The following BRF2 variants were observed in gnomAD, a reference collection of about 807,000 sequenced individuals.
BRF2 encodes the protein transcription factor IIIB 50 kDa subunit.
A neutral mutation model predicts 26.6 loss-of-function variants in BRF2; 17 were observed. The observed-to-expected ratio is 0.64, with a 90% CI of 0.44 to 0.96. The LOEUF (loss-of-function observed/expected upper bound fraction) is 0.96. Among genes scored for constraint, BRF2 ranks in the 40% least tolerant of loss-of-function variants. The pLI is 0.00. For synonymous variants in BRF2, 219 were observed against 226.6 expected (o/e 0.97, Z 0.30); for missense variants, 515 against 537.0 (o/e 0.96, Z 0.40).
intron 1 of BRF2, 91 bp downstream of exon 1, chr8:37,849,539 T>C (rs1214018656): frequency 9.5e-7 from 1 of 1,051,864 alleles, no homozygotes; most frequent in Admixed American, 2.1e-5. Context: ...GTGTGTGCGT[T>C]ACAGTTAGGA....
chr8:37,848,116 A>C (rs1321843711), intron 2 of BRF2, among the ~76,000 whole-genome samples: 2 of 149,412 alleles, frequency 1.3e-5, no homozygotes, highest in Non-Finnish European at 1.5e-5. Flanking sequence ...CGCCCGGCTA[A>C]TTTTTTTGTA....
intron 3 of BRF2, chr8:37,845,633 A>T (rs1392966297): frequency 1.5e-6 from 1 of 687,156 alleles, no homozygotes; most frequent in Non-Finnish European, 2.6e-6. Context: ...AGAAAAGAAC[A>T]TAGCTACTTC....
rs1805978362 is a variant in BRF2 at position 37,847,207 on chromosome 8, G to A, written c.215-32C>T. ...AAAACCCACGGCAAGAGTTAGAGGG[G>A]TCAAAGGAGCTATCGTGCAACTCCT... On this transcript the variant is annotated intron_variant, in intron 2 of 3. Coordinates refer to ENST00000220659, the MANE Select transcript of BRF2 (RefSeq NM_018310.4). 2.5e-6 allele frequency: 4 copies of A among 1,597,620 alleles called. 1 individual carries two copies. Among genetic ancestry groups the A allele is most frequent in the Middle Eastern group, 1.7e-4 (1 of 6,024 alleles).
In BRF2 at chr8:37,847,000, G is replaced by C; in HGVS notation, c.390C>G (p.Asn130Lys). ...CCVLITCRQH[N>K]WPLTMGAICT... The stretch of plus-strand genomic sequence containing the variant: ...AGATGGCCCCCATTGTTAGGGGCCA[G>C]TTATGCTGTCGGCAGGTGATTAAGA... Residue 130 changes from asparagine to lysine, a missense_variant, in exon 3 of 4, where the codon AAC becomes AAG. Coordinates refer to ENST00000220659, the MANE Select transcript of BRF2 (RefSeq NM_018310.4). 6 of 1,614,232 alleles carry C rather than the reference G, an allele frequency of 3.7e-6. No homozygotes were observed. Among genetic ancestry groups the C allele is most frequent in the Non-Finnish European group, 4.2e-6 (5 of 1,180,052 alleles).
chr8:37,844,513 T>C lies in BRF2; in HGVS notation c.1237A>G (p.Thr413Ala). The stretch of plus-strand genomic sequence containing the variant: ...CATCAGGGAGGGTTAGGGACACTCG[T>C]GGCAGCCTGTCTAGCAGCCTGGGCT... ...QRAQAARQAA[T>A]SVPNPP The change falls in exon 4 of 4, where the codon ACG becomes GCG. Residue 413 changes from threonine (T) to alanine (A), a missense_variant. Transcript: ENST00000220659. 6.2e-7 allele frequency: 1 copy of C among 1,613,386 alleles called. No homozygotes were observed. The highest frequency in any genetic ancestry group is 8.5e-7 in the Non-Finnish European group (1 of 1,180,006).
Position 37,844,512 on chromosome 8 carries a change from G to C in BRF2, c.1238C>G (p.Thr413Arg). 6.2e-7 allele frequency: 1 copy of C among 1,613,308 alleles called. No homozygotes were observed. Among genetic ancestry groups the C allele is most frequent in the South Asian group, 1.1e-5 (1 of 91,026 alleles). ...QRAQAARQAATSVPNPP is the reference protein window; with the variant it reads ...QRAQAARQAARSVPNPP ...CCATCAGGGAGGGTTAGGGACACTC[G>C]TGGCAGCCTGTCTAGCAGCCTGGGC... The change falls in exon 4 of 4, where the codon ACG (threonine) becomes AGG (arginine). Residue 413 changes from threonine to arginine, a missense_variant. Transcript: ENST00000220659.
At chr8:37,845,890 G>A (rs112075942) in intron 3 of BRF2, 1 of 576,866 alleles carries the variant, frequency 1.7e-6, no homozygotes. Flanking sequence ...TGCTGAGACA[G>A]AGCTGGGCAT....
At chr8:37,849,583 ATGT>A (rs1398456145) in intron 1 of BRF2, 44 bp downstream of exon 1, 1 of 1,510,568 alleles carries the variant, frequency 6.6e-7, no homozygotes, top group Non-Finnish European at 9.1e-7. Context: ...AAGGAATCTG[ATGT>A]TAATCCCTCC....
rs765994277 is a variant in BRF2, at chr8:37,846,956, T to C, written c.434A>G (p.Asp145Gly). ...GTAAGTGCTAGAAAACACATCCAAA[T>C]CTGCATACAACAGCGTGCAGATGGC... is the stretch of plus-strand genomic sequence containing the variant. ...MGAICTLLYA[D>G]LDVFSSTYMQ... The change falls in exon 3 of 4, where the codon GAT becomes GGT. Residue 145 changes from aspartate to glycine, a missense_variant. Physicochemically the swap from Asp to Gly is moderately conservative, Grantham distance 94. Coordinates refer to ENST00000220659, the MANE Select transcript of BRF2 (RefSeq NM_018310.4). 6.2e-7 allele frequency: 1 copy of C among 1,614,184 alleles called. No individual in the cohort carries two copies. The highest frequency in any genetic ancestry group is 8.5e-7 in the Non-Finnish European group (1 of 1,180,034).
At position 37,844,351 on chromosome 8, in the gene BRF2, AACTAATGGCAGAGCC is replaced by A; in HGVS notation, c.*124_*138del. 2 of 1,135,794 alleles carry A rather than the reference AACTAATGGCAGAGCC, an allele frequency of 1.8e-6. No homozygotes were observed. The highest frequency in any genetic ancestry group is 2.5e-6 in the Non-Finnish European group (2 of 794,010). 70.4% of individuals were successfully genotyped at this position (1,135,794 alleles called of 1,614,324 possible). A position where few individuals can be genotyped will look rare whatever the true frequency, so the allele number is the denominator to read the frequency against. Reference sequence around the variant, plus strand: ...GACTTTACTCCAGGACCCAGGGTCCAACTAATGGCAGAGCCCCTCTTGGTTCCTTCAAACAAGAAA... The same window carrying A: ...GACTTTACTCCAGGACCCAGGGTCCACCTCTTGGTTCCTTCAAACAAGAAA... On this transcript the variant is annotated 3_prime_UTR_variant, in exon 4 of 4. Transcript: ENST00000220659.
At chr8:37,845,293 G>T in intron 3 of BRF2, 80 bp from the exon 4 acceptor site, 2 of 1,119,244 alleles carry the variant, frequency 1.8e-6, no homozygotes, top group Non-Finnish European at 1.3e-6. Context: ...GCCCACTCAA[G>T]ATGGGGAAGC....
At position 37,849,668 on chromosome 8, in the gene BRF2, A is replaced by G. The variant is rs767275696; in HGVS notation, c.116T>C (p.Val39Ala). 9.3e-6 allele frequency: 15 copies of G among 1,613,016 alleles called. No homozygotes were observed. The South Asian group carries it at 1.6e-4, about 18-fold the overall frequency. ...CTCGTCGCTGAAGGTAGTGGTAAGG[A>G]CCCCCTCGGTGACCACGCAGCCGCA... ...SDCGCVVTEG[V>A]LTTTFSDEGN... Residue 39 changes from valine to alanine, a missense_variant, in exon 1 of 4, where the codon GTC (valine) becomes GCC (alanine). Transcript: ENST00000220659.
intron 2 of BRF2, chr8:37,847,413 CAGGGCCAAGCCCA>C (rs1351127407): frequency 1.6e-6 from 1 of 632,382 alleles, no homozygotes; most frequent in African/African-American, 1.8e-5. Flanking sequence ...TGGTTTGATT[CAGGGCCAAGCCCA>C]AGTTTTATCC....
chr8:37,847,928 T>TTTATTACTA (rs1554528594), intron 2 of BRF2, among the ~76,000 whole-genome samples: 2 of 84,000 alleles, frequency 2.4e-5, no homozygotes, highest in African/African-American at 9.1e-5. Context: ...ATAGTTTTCT[T>TTTATTACTA]TTATTATTAT....
Position 37,848,654 on chromosome 8 carries a change from C to T in BRF2, c.156G>A (p.Glu52=). 6.2e-7 allele frequency: 1 copy of T among 1,612,918 alleles called. No homozygotes were observed. The highest frequency in any genetic ancestry group is 8.5e-7 in the Non-Finnish European group (1 of 1,178,860). Residue 52 remains glutamate, a splice_region_variant and synonymous_variant, in exon 2 of 4, where the codon GAG becomes GAA. Coordinates refer to ENST00000220659, the MANE Select transcript of BRF2 (RefSeq NM_018310.4). ...TTFSDEGNLR[E]VTYSRSTGEN... ...CCCCTGTGCTTCGGGAATATGTTAC[C>T]TCTGTAAGATAATAAACAACAAATA...
At position 37,844,387 on chromosome 8, in the gene BRF2, A is replaced by G; in HGVS notation, c.*103T>C. 1 of 1,486,180 alleles carries G rather than the reference A, an allele frequency of 6.7e-7. No individual in the cohort carries two copies. Among genetic ancestry groups the G allele is most frequent in the Non-Finnish European group, 9.1e-7 (1 of 1,099,244 alleles). 92.1% of individuals were successfully genotyped at this position (1,486,180 alleles called of 1,614,324 possible). ...GAGCCCCTCTTGGTTCCTTCAAACA[A>G]GAAAAGCAATACCTACGGACTGGTG... On this transcript the variant is annotated 3_prime_UTR_variant, in exon 4 of 4. Transcript: ENST00000220659.
In BRF2 at chr8:37,847,279, A is replaced by G. The variant is rs1023996341; in HGVS notation, c.215-104T>C. 1.1e-5 allele frequency: 10 copies of G among 939,330 alleles called. No homozygotes were observed. In the African/African-American group the frequency reaches 1.3e-4, roughly 12 times the overall value. 58.2% of individuals were successfully genotyped at this position (939,330 alleles called of 1,614,324 possible). On this transcript the variant is annotated intron_variant, in intron 2 of 3. Coordinates refer to ENST00000220659, the MANE Select transcript of BRF2 (RefSeq NM_018310.4). ...CTTAGATCTGCTAAACTTGCCTCAG[A>G]TATCAGATGCACAAATTATGTACCT...
chr8:37,844,853 GTCACCGATGTGCT>G lies in BRF2; in HGVS notation c.884_896del (p.Lys295ThrfsTer45). On this transcript the variant is annotated frameshift_variant, in exon 4 of 4. Coordinates refer to ENST00000220659, the MANE Select transcript of BRF2 (RefSeq NM_018310.4). LOFTEE classifies it low-confidence loss of function (END_TRUNC). ...CCAGTGACTGGCGGTGCTGGAGAAG[GTCACCGATGTGCT>G]TCACCACAGACCGTTTGTCAAGTCT... 1 of 1,614,164 alleles carries G rather than the reference GTCACCGATGTGCT, an allele frequency of 6.2e-7. No homozygotes were observed. The highest frequency in any genetic ancestry group is 8.5e-7 in the Non-Finnish European group (1 of 1,180,046).
chr8:37,846,867 T>C lies in BRF2; in HGVS notation c.523A>G (p.Thr175Ala). The C allele has an allele frequency of 1.9e-6, 3 of 1,613,016 alleles. No homozygotes were observed. Among genetic ancestry groups the C allele is most frequent in the Non-Finnish European group, 2.5e-6 (3 of 1,179,258 alleles). The change falls in exon 3 of 4, where the codon ACC becomes GCC. Residue 175 changes from threonine to alanine, a missense_variant. By Grantham distance (58) the Thr-to-Ala change is moderately conservative. Coordinates refer to ENST00000220659, the MANE Select transcript of BRF2 (RefSeq NM_018310.4). Reference sequence around the variant, plus strand: ...CCAGGGACGTACCTGCTGCAATAGGTCTTCACCAGTTCTGCCAAGCACAGA... The same window carrying C: ...CCAGGGACGTACCTGCTGCAATAGGCCTTCACCAGTTCTGCCAAGCACAGA... The part of the protein sequence containing the change: ...PSLCLAELVK[T>A]YCSSFKLFQA...
Sources: gnomAD v4.1 joint callset for allele counts (sites outside exome capture counted in the v4.1 genomes callset) on GRCh38, gnomAD v4.1.1 for gene constraint, MANE v1.5 for transcripts, NCBI Gene and HGNC (gene_info 2026-07-23, HGNC 2026-07-21) for gene names.